RIC8B: variants seen among roughly 807,000 people sequenced by gnomAD.
RIC8B encodes the protein RIC8 guanine nucleotide exchange factor B, also known as chaperone Ric-8B.
In RIC8B, 16 loss-of-function variants were observed where a neutral mutation model predicts 57.5. That is an observed-to-expected ratio of 0.28 (90% CI 0.19 to 0.42). The LOEUF (loss-of-function observed/expected upper bound fraction) is 0.42. Ranked by LOEUF, RIC8B falls within the 10% of genes least tolerant of loss-of-function variation. The pLI, the probability that RIC8B is intolerant of heterozygous loss-of-function variation, is 1.00. For synonymous variants in RIC8B, 216 were observed against 250.8 expected (o/e 0.86, Z 1.31); for missense variants, 481 against 677.0 (o/e 0.71, Z 3.21).
At chr12:106,880,591 G>A (rs1040108393) in intron 9 of RIC8B, among the ~76,000 whole-genome samples, 16 of 152,116 alleles carry the variant, frequency 1.1e-4, no homozygotes, top group Non-Finnish European at 2.2e-4. Context: ...TAATGGTTGG[G>A]AATTCCAGGC....
At chr12:106,844,203 T>C (rs1949084384) in intron 6 of RIC8B, among the ~76,000 whole-genome samples, 1 of 152,204 alleles carries the variant, frequency 6.6e-6, no homozygotes, top group Non-Finnish European at 1.5e-5. Flanking sequence ...AAGTTTATTT[T>C]GTAGAGAGGG....
chr12:106,833,022 C>T (rs937858919), intron 4 of RIC8B, among the ~76,000 whole-genome samples: 11 of 152,026 alleles, frequency 7.2e-5, no homozygotes, highest in African/African-American at 1.2e-4. Context: ...AATCTTTTAT[C>T]GGATCTTTGT....
rs1204986815 is a variant in RIC8B at position 106,867,508 on chromosome 12, T to G, written c.1452-3315T>G. Among the ~76,000 whole-genome samples the G allele has an allele frequency of 2.0e-5, 3 of 152,174 alleles. No homozygotes were observed. The highest frequency in any genetic ancestry group is 7.2e-5 in the African/African-American group (3 of 41,438). On this transcript the variant is annotated intron_variant, in intron 8 of 9. Coordinates refer to ENST00000392837, the MANE Select transcript of RIC8B (RefSeq NM_001330145.2). This position sits in a 1 kb window ranked among gnomAD's most constrained non-coding sequence, Gnocchi z 4.3. ...AATGAAATAAAACTAACTCCAGAAT[T>G]TCATAGCGTTAAGATTGAAACCTGG...
intron 2 of RIC8B, among the ~76,000 whole-genome samples, chr12:106,795,168 TA>T (rs1202600681): frequency 6.6e-6 from 1 of 152,134 alleles, no homozygotes; most frequent in East Asian, 1.9e-4. Flanking sequence ...AAGACAAAAT[TA>T]TAAAGTAATA....
chr12:106,882,277 G>A (rs745943169), intron 9 of RIC8B, among the ~76,000 whole-genome samples: 3 of 152,122 alleles, frequency 2.0e-5, no homozygotes, highest in Non-Finnish European at 4.4e-5. Context: ...TCACAACTTA[G>A]TGTGAGGTAT....
intron 4 of RIC8B, among the ~76,000 whole-genome samples, chr12:106,829,000 G>A (rs2046236679): frequency 6.6e-6 from 1 of 152,122 alleles, no homozygotes; most frequent in Admixed American, 6.5e-5. Flanking sequence ...CTGATACGTT[G>A]TCTTTGTAAG....
At chr12:106,829,466 A>G in intron 4 of RIC8B, among the ~76,000 whole-genome samples, 1 of 152,182 alleles carries the variant, frequency 6.6e-6, no homozygotes, top group East Asian at 1.9e-4. Flanking sequence ...GTACATTGGT[A>G]TTTATAAAGC....
rs147217114 is a variant in RIC8B at position 106,787,930 on chromosome 12, T to A, written c.132+3886T>A. Among the ~76,000 whole-genome samples the A allele has an allele frequency of 3.3e-4, 50 of 152,186 alleles. No individual in the cohort carries two copies. The East Asian group carries it at 9.5e-3, about 29-fold the overall frequency. On this transcript the variant is annotated intron_variant, in intron 2 of 9. Coordinates refer to ENST00000392837, the MANE Select transcript of RIC8B (RefSeq NM_001330145.2). ...ATGCCTTTCCAACAGTCCCCCAAAG[T>A]CTTAACTCATTTCAGCGTTAACCCA...
At chr12:106,837,600 G>C (rs1199880580) in intron 4 of RIC8B, among the ~76,000 whole-genome samples, 1 of 148,022 alleles carries the variant, frequency 6.8e-6, no homozygotes, top group Non-Finnish European at 1.5e-5. Flanking sequence ...GATTGAGTTA[G>C]ATTAAATAAA....
intron 8 of RIC8B, among the ~76,000 whole-genome samples, chr12:106,866,168 GTTTTTGTT>G (rs887560903): frequency 1.6e-4 from 24 of 151,338 alleles, no homozygotes; most frequent in Admixed American, 6.6e-4. Context: ...GGGAAGAGGA[GTTTTTGTT>G]TTTTTGTTTT....
intron 2 of RIC8B, among the ~76,000 whole-genome samples, chr12:106,803,925 C>T (rs1171197817): frequency 1.3e-5 from 2 of 152,158 alleles, no homozygotes; most frequent in Admixed American, 1.3e-4. Context: ...ACAACATTGT[C>T]ATAGAAGGAG....
chr12:106,814,816 A>C lies in RIC8B; in HGVS notation c.253A>C (p.Thr85Pro). The change falls in exon 3 of 10, where the codon ACT becomes CCT. Residue 85 changes from threonine (T) to proline (P), a missense_variant. Thr to Pro is a conservative substitution (Grantham distance 38, BLOSUM62 -1). Coordinates refer to ENST00000392837, the MANE Select transcript of RIC8B (RefSeq NM_001330145.2). ...CAAAAAGGTTTTAGTTCCTGTGACA[A>C]CTAAGGAAAATATGCAGATACTGCT... ...RDKKVLVPVT[T>P]KENMQILLRL... 6.2e-7 allele frequency: 1 copy of C among 1,614,250 alleles called. No homozygotes were observed. Among genetic ancestry groups the C allele is most frequent in the Non-Finnish European group, 8.5e-7 (1 of 1,180,042 alleles).
At chr12:106,800,348 C>A (rs2044676383) in intron 2 of RIC8B, among the ~76,000 whole-genome samples, 1 of 146,390 alleles carries the variant, frequency 6.8e-6, no homozygotes, top group Non-Finnish European at 1.5e-5. Context: ...TGTGGCTGAG[C>A]AGGAGGAAGA....
At chr12:106,841,111 T>C (rs1948927001) in intron 4 of RIC8B, among the ~76,000 whole-genome samples, 1 of 152,220 alleles carries the variant, frequency 6.6e-6, no homozygotes, top group Non-Finnish European at 1.5e-5. Flanking sequence ...TGGGGAAAGC[T>C]TATATTTCAG....
intron 8 of RIC8B, among the ~76,000 whole-genome samples, chr12:106,864,682 A>C (rs150947282): frequency 6.6e-6 from 1 of 152,226 alleles, no homozygotes; most frequent in Non-Finnish European, 1.5e-5. Flanking sequence ...TTTGGGGATA[A>C]AATATGTAAC....
chr12:106,880,603 G>A (rs1950879163), intron 9 of RIC8B, among the ~76,000 whole-genome samples: 1 of 152,104 alleles, frequency 6.6e-6, no homozygotes, highest in Non-Finnish European at 1.5e-5. Context: ...ATTCCAGGCT[G>A]TCTGGTGAAA....
chr12:106,825,605 C>T (rs1039855288), intron 3 of RIC8B, 121 bp from the exon 4 acceptor site: 1 of 651,400 alleles, frequency 1.5e-6, no homozygotes, highest in Non-Finnish European at 2.8e-6. Context: ...GATATTCTGC[C>T]ATCTAAAATG....
At chr12:106,876,650 G>T (rs1267450849) in intron 9 of RIC8B, among the ~76,000 whole-genome samples, 1 of 152,026 alleles carries the variant, frequency 6.6e-6, no homozygotes, top group Non-Finnish European at 1.5e-5. Flanking sequence ...TGCTACCTTT[G>T]TATTGCCTAT....
At chr12:106,808,358 ATATT>A (rs936560446) in intron 2 of RIC8B, among the ~76,000 whole-genome samples, 5 of 152,140 alleles carry the variant, frequency 3.3e-5, no homozygotes, top group Non-Finnish European at 7.4e-5. Context: ...AGGGACAACT[ATATT>A]TATGAAACTT....
Sources: gnomAD v4.1 joint callset for allele counts (sites outside exome capture counted in the v4.1 genomes callset) on GRCh38, gnomAD v4.1.1 for gene constraint, Gnocchi (gnomAD v3.1) non-coding constraint, MANE v1.5 for transcripts, NCBI Gene and HGNC (gene_info 2026-07-23, HGNC 2026-07-21) for gene names.